Variants in WNK1 observed in about 807,000 individuals in gnomAD.
WNK1 encodes serine/threonine-protein kinase WNK1.
In WNK1, 38 loss-of-function variants were observed where a neutral mutation model predicts 222.8. The observed-to-expected ratio is 0.17, with a 90% CI of 0.13 to 0.22. WNK1 has a LOEUF of 0.22. WNK1 is among the 10% of genes least tolerant of loss of function. WNK1 has a pLI of 1.00. For synonymous variants in WNK1, 1,090 were observed against 1,092.9 expected, an observed-to-expected ratio of 1.00 and a Z score of 0.05; for missense variants, 2,348 against 2,918.4, an observed-to-expected ratio of 0.80 and a Z score of 4.50.
At position 884,224 on chromosome 12, in the gene WNK1, C is replaced by T. The variant is rs751769894; in HGVS notation, c.3825C>T (p.Pro1275=). The T allele has an allele frequency of 1.9e-6, 3 of 1,614,034 alleles. No homozygotes were observed. The highest frequency in any genetic ancestry group is 1.7e-4 in the Middle Eastern group (1 of 6,060). Reference sequence around the variant, plus strand: ...GATTACGAGAATCAAAAGTTTTCCCCAGTGAAATAACAGATACAGGTAAGG... The same window carrying T: ...GATTACGAGAATCAAAAGTTTTCCCTAGTGAAATAACAGATACAGGTAAGG... ...ESRLRESKVF[P]SEITDTVAAS... is the part of the protein sequence containing the mutation. Residue 1275 remains proline, a synonymous_variant, in exon 18 of 28, where the codon CCC becomes CCT. Transcript: ENST00000315939. The surrounding 1 kb of genome is among the most constrained non-coding windows in gnomAD (Gnocchi z 5.6).
chr12:863,559 T>C (rs888378724), intron 8 of WNK1, among the ~76,000 whole-genome samples: 2 of 152,108 alleles, frequency 1.3e-5, no homozygotes, highest in Admixed American at 6.5e-5. Flanking sequence ...CTAAGACTTT[T>C]TTTTTAAAAT....
chr12:779,322 T>C (rs1943438683), intron 1 of WNK1, among the ~76,000 whole-genome samples: 2 of 152,092 alleles, frequency 1.3e-5, no homozygotes, highest in Non-Finnish European at 1.5e-5. Context: ...GACTATAATA[T>C]TAAAATGCAC....
chr12:862,153 A>ATG lies in WNK1; in HGVS notation c.2022_2023insTG (p.Val675TrpfsTer54). ...AATCTCGAGTGAGCAGCCAACAGACAGTTTCATATGGTTCCCAACATGAAC... is the reference window on the plus strand; with the variant it reads ...AATCTCGAGTGAGCAGCCAACAGACATGGTTTCATATGGTTCCCAACATGAAC... On this transcript the variant is annotated frameshift_variant, in exon 8 of 28. Coordinates refer to ENST00000315939, the MANE Select transcript of WNK1 (RefSeq NM_018979.4). LOFTEE classifies it high-confidence loss of function. 6.2e-7 allele frequency: 1 copy of ATG among 1,614,118 alleles called. No individual in the cohort carries two copies. The highest frequency in any genetic ancestry group is 8.5e-7 in the Non-Finnish European group (1 of 1,179,996).
chr12:854,489 C>T (rs551899572), intron 4 of WNK1, among the ~76,000 whole-genome samples: 2 of 150,624 alleles, frequency 1.3e-5, no homozygotes, highest in South Asian at 4.2e-4. Flanking sequence ...TCCCAAGTAG[C>T]TGGGATTACA....
intron 1 of WNK1, 106 bp downstream of exon 1, chr12:754,430 C>T: frequency 2.7e-6 from 4 of 1,477,558 alleles, no homozygotes; most frequent in Non-Finnish European, 3.8e-6. Flanking sequence ...TGTTGGACTC[C>T]GAGTGGGACG....
At chr12:872,057 G>A (rs983731940) in intron 9 of WNK1, among the ~76,000 whole-genome samples, 1 of 152,124 alleles carries the variant, frequency 6.6e-6, no homozygotes, top group South Asian at 2.1e-4. Context: ...AGAATGATGT[G>A]TCAGATTTTA....
chr12:868,233 T>C lies in WNK1; in HGVS notation c.2140-3032T>C, dbSNP rs770735485. ...TACAGTGACTATAGACCTGGACTAG[T>C]ACTTCCAGAAGAAGCTCACTATTTT... On this transcript the variant is annotated intron_variant, in intron 8 of 27. Transcript: ENST00000315939. The C allele has an allele frequency of 1.9e-6, 3 of 1,607,294 alleles. No homozygotes were observed. The highest frequency in any genetic ancestry group is 1.7e-5 in the Admixed American group (1 of 58,380).
In WNK1 at chr12:910,240, C is replaced by T. The variant is rs1955988830; in HGVS notation, c.*1448C>T. The T allele has an allele frequency of 6.6e-6, 1 of 152,124 alleles. No individual in the cohort carries two copies. The allele number at this position is 152,124 out of a possible 1,614,324, so 9.4% of individuals were successfully genotyped here. On this transcript the variant is annotated 3_prime_UTR_variant, in exon 28 of 28. Transcript: ENST00000315939. ...TTGCTTTCCTCTTGTTGCACATGTA[C>T]CATGCATTTCTCAGCTTGGGGTACT...
intron 1 of WNK1, among the ~76,000 whole-genome samples, chr12:812,009 T>C (rs192910892): frequency 1.3e-5 from 2 of 152,346 alleles, no homozygotes; most frequent in African/African-American, 4.8e-5. Context: ...TTTTAGATTG[T>C]CATTCAGTGT....
At chr12:765,948 T>C (rs1252367457) in intron 1 of WNK1, among the ~76,000 whole-genome samples, 2 of 152,334 alleles carry the variant, frequency 1.3e-5, no homozygotes, top group East Asian at 3.9e-4. Context: ...AAGGATGTTA[T>C]CACATACATG....
In WNK1 at chr12:866,487, C is replaced by T. The variant is rs544459241; in HGVS notation, c.2139+4217C>T. 2.6e-5 allele frequency among the ~76,000 whole-genome samples: 4 copies of T among 152,184 alleles called. No homozygotes were observed. In the South Asian group the frequency reaches 8.3e-4, roughly 32 times the overall value. ...AAGTGATTCTCCTGCCTCAGCCTCC[C>T]GAGTAGCTAGGACTACAGGCGCATG... On this transcript the variant is annotated intron_variant, in intron 8 of 27. Transcript: ENST00000315939.
Position 896,123 on chromosome 12 carries a change from A to G in WNK1, c.5636A>G (p.Asp1879Gly), listed in dbSNP as rs968933608. 3.1e-6 allele frequency: 5 copies of G among 1,614,104 alleles called. No homozygotes were observed. In the Admixed American group the frequency reaches 6.7e-5, roughly 22 times the overall value. The change falls in exon 24 of 28, where the codon GAT becomes GGT. Residue 1879 changes from aspartate (D) to glycine (G), a missense_variant. Asp to Gly is a moderately conservative substitution (Grantham distance 94, BLOSUM62 -1). This residue lies in a region of WNK1 where 1,144 missense variants were observed against 1,273.6 expected (regional missense o/e 0.90). Coordinates refer to ENST00000315939, the MANE Select transcript of WNK1 (RefSeq NM_018979.4). ...AQKEGKNKSE[D>G]AKSVHFESST... is the part of the protein sequence containing the mutation. ...AAAGAGGGTAAAAATAAGTCAGAAGATGCAAAGTCTGTTCATTTTGAATCC... is the reference window on the plus strand; with the variant it reads ...AAAGAGGGTAAAAATAAGTCAGAAGGTGCAAAGTCTGTTCATTTTGAATCC...
At chr12:894,145 T>C (rs1954535551) in intron 22 of WNK1, among the ~76,000 whole-genome samples, 1 of 151,646 alleles carries the variant, frequency 6.6e-6, no homozygotes, top group African/African-American at 2.4e-5. Context: ...CTGAACCCAG[T>C]AGGTGGAGGT....
chr12:873,163 A>G (rs1051663874), intron 9 of WNK1, among the ~76,000 whole-genome samples: 38 of 152,240 alleles, frequency 2.5e-4, no homozygotes, highest in South Asian at 8.3e-4. Flanking sequence ...ACGAACACCA[A>G]TGAACTGAGC....
At chr12:895,989 C>G in intron 23 of WNK1, 82 bp from the exon 24 acceptor site, 1 of 1,577,620 alleles carries the variant, frequency 6.3e-7, no homozygotes, top group South Asian at 1.1e-5. Context: ...TAAAGTGATT[C>G]TTTTTTTCCT....
chr12:858,423 G>A (rs1592046175), intron 5 of WNK1, among the ~76,000 whole-genome samples: 1 of 152,086 alleles, frequency 6.6e-6, no homozygotes, highest in African/African-American at 2.4e-5. Flanking sequence ...CTCCTGACCT[G>A]AGGTGAACCA....
intron 1 of WNK1, among the ~76,000 whole-genome samples, chr12:755,278 A>T (rs1200913654): frequency 6.6e-6 from 1 of 152,250 alleles, no homozygotes; most frequent in Non-Finnish European, 1.5e-5. Flanking sequence ...AGTCAGCCAC[A>T]TTATGCATGC....
intron 13 of WNK1, 30 bp downstream of exon 13, chr12:881,819 A>G: frequency 6.2e-7 from 1 of 1,613,688 alleles, no homozygotes; most frequent in Non-Finnish European, 8.5e-7. Context: ...TCCTTCCTTG[A>G]CTGGTAAATA....
At chr12:764,009 A>G (rs573758790) in intron 1 of WNK1, among the ~76,000 whole-genome samples, 3 of 147,780 alleles carry the variant, frequency 2.0e-5, no homozygotes, top group African/African-American at 7.3e-5. Context: ...TTCAATAGGC[A>G]GTTGGATATA....
Sources: gnomAD v4.1 joint callset for allele counts (sites outside exome capture counted in the v4.1 genomes callset) on GRCh38, gnomAD v4.1.1 for gene constraint, gnomAD v4.1.1 regional missense constraint, Gnocchi (gnomAD v3.1) non-coding constraint, MANE v1.5 for transcripts, NCBI Gene and HGNC (gene_info 2026-07-23, HGNC 2026-07-21) for gene names.